The following ADSS2 variants were observed in gnomAD, a reference collection of about 807,000 sequenced individuals.
ADSS2 encodes the protein adenylosuccinate synthase 2.
Under a neutral mutation model 60.0 loss-of-function variants are expected in ADSS2, and 30 were observed. That is an observed-to-expected ratio of 0.50 (90% CI 0.37 to 0.68). The LOEUF is 0.68. Among genes scored for constraint, ADSS2 ranks in the 30% least tolerant of loss-of-function variants. The pLI, the probability that ADSS2 is intolerant of heterozygous loss-of-function variation, is 0.00. For synonymous variants in ADSS2, 187 were observed against 193.1 expected (o/e 0.97, Z 0.26); for missense variants, 373 against 554.8 (o/e 0.67, Z 3.29).
Position 244,432,607 on chromosome 1 carries a change from A to G in ADSS2, c.356-12T>C. On this transcript the variant is annotated splice_polypyrimidine_tract_variant and intron_variant, in intron 3 of 12. Coordinates refer to ENST00000366535, the MANE Select transcript of ADSS2 (RefSeq NM_001126.5). ...CCAGCCTTCTAGTCCTAGAAAGGGGAAAAAGATATATTTAATTGAATATTT... is the reference window on the plus strand; with the variant it reads ...CCAGCCTTCTAGTCCTAGAAAGGGGGAAAAGATATATTTAATTGAATATTT... The G allele has an allele frequency of 2.0e-6, 3 of 1,515,292 alleles. No homozygotes were observed. The highest frequency in any genetic ancestry group is 2.7e-6 in the Non-Finnish European group (3 of 1,109,874). 93.9% of individuals were successfully genotyped at this position (1,515,292 alleles called of 1,614,324 possible). A position where few individuals can be genotyped will look rare whatever the true frequency, so the allele number is the denominator to read the frequency against.
chr1:244,413,433 C>G (rs1664458426), intron 11 of ADSS2, among the ~76,000 whole-genome samples: 1 of 152,190 alleles, frequency 6.6e-6, no homozygotes, highest in South Asian at 2.1e-4. Flanking sequence ...AGGCACAAAG[C>G]CATGGCTCCT....
At chr1:244,415,943 C>G (rs1347798553) in intron 11 of ADSS2, 38 bp downstream of exon 11, 1 of 1,423,036 alleles carries the variant, frequency 7.0e-7, no homozygotes, top group South Asian at 1.2e-5. Flanking sequence ...ATACATTCAC[C>G]TTATAATATC....
intron 1 of ADSS2, among the ~76,000 whole-genome samples, chr1:244,446,919 A>T (rs1665406152): frequency 6.6e-6 from 1 of 152,220 alleles, no homozygotes; most frequent in Admixed American, 6.5e-5. Flanking sequence ...CTTCCTTTAA[A>T]AAAGATGTTA....
At chr1:244,422,619 T>A (rs1173459408) in intron 7 of ADSS2, among the ~76,000 whole-genome samples, 1 of 152,206 alleles carries the variant, frequency 6.6e-6, no homozygotes, top group Non-Finnish European at 1.5e-5. Context: ...AGACATATGA[T>A]CTGGACTCTG....
intron 2 of ADSS2, among the ~76,000 whole-genome samples, chr1:244,437,156 T>G (rs997856441): frequency 6.6e-6 from 1 of 152,166 alleles, no homozygotes; most frequent in African/African-American, 2.4e-5. Context: ...AAATGGAACA[T>G]GGTCACAGTA....
chr1:244,417,356 C>T (rs77712130), intron 10 of ADSS2, among the ~76,000 whole-genome samples: 5,784 of 152,186 alleles, frequency 0.038, 148 homozygotes, highest in Middle Eastern at 0.082. Context: ...TCTATCTGTC[C>T]ACCTATCTGC....
At chr1:244,450,920 G>T (rs936510892) in intron 1 of ADSS2, among the ~76,000 whole-genome samples, 2 of 152,136 alleles carry the variant, frequency 1.3e-5, no homozygotes, top group African/African-American at 4.8e-5. Context: ...TTTTTGAACA[G>T]AGAAGGGATT....
intron 4 of ADSS2, among the ~76,000 whole-genome samples, chr1:244,428,343 C>T (rs1664854332): frequency 6.6e-6 from 1 of 151,998 alleles, no homozygotes; most frequent in African/African-American, 2.4e-5. Context: ...GAACATCATA[C>T]TCAACTTATA....
chr1:244,410,203 C>G (rs1377567387), intron 12 of ADSS2, among the ~76,000 whole-genome samples: 1 of 152,112 alleles, frequency 6.6e-6, no homozygotes, highest in Middle Eastern at 3.2e-3. Context: ...GAGCAGTAAG[C>G]AAATATGCTT....
At chr1:244,433,990 G>T (rs1260114841) in intron 3 of ADSS2, among the ~76,000 whole-genome samples, 1 of 151,720 alleles carries the variant, frequency 6.6e-6, no homozygotes, top group Non-Finnish European at 1.5e-5. Flanking sequence ...TTTAACTGTG[G>T]AAGACCTAGA....
rs1664518484 is a variant in ADSS2 at position 244,415,938 on chromosome 1, T to G, written c.1168+43A>C. 3 of 1,402,828 alleles carry G rather than the reference T, an allele frequency of 2.1e-6. No homozygotes were observed. In the South Asian group the frequency reaches 3.6e-5, roughly 17 times the overall value. 86.9% of individuals were successfully genotyped at this position (1,402,828 alleles called of 1,614,324 possible). On this transcript the variant is annotated intron_variant, in intron 11 of 12. Transcript: ENST00000366535. ...AGCTTTATGAAACTGCTCTAATACATTCACCTTATAATATCCTTTAGATAT... is the reference window on the plus strand; with the variant it reads ...AGCTTTATGAAACTGCTCTAATACAGTCACCTTATAATATCCTTTAGATAT...
chr1:244,432,443 C>G (rs550232295), intron 4 of ADSS2, 102 bp downstream of exon 4: 11 of 851,408 alleles, frequency 1.3e-5, no homozygotes, highest in African/African-American at 1.3e-4. Flanking sequence ...ATCCTACTTA[C>G]GCTAAATAAA....
chr1:244,441,060 CTTTT>C (rs557199255), intron 1 of ADSS2, among the ~76,000 whole-genome samples: 4 of 137,972 alleles, frequency 2.9e-5, no homozygotes, highest in African/African-American at 1.1e-4. Flanking sequence ...TTAACTTAGT[CTTTT>C]TTTTTTTTTT....
intron 4 of ADSS2, 80 bp from the exon 5 acceptor site, chr1:244,424,467 G>T: frequency 8.7e-7 from 1 of 1,143,744 alleles, no homozygotes; most frequent in South Asian, 1.3e-5. Flanking sequence ...AATTACTGAA[G>T]TTATAAATCC....
intron 6 of ADSS2, 78 bp downstream of exon 6, chr1:244,423,875 T>C (rs1664731753): frequency 9.0e-7 from 1 of 1,117,310 alleles, no homozygotes; most frequent in Non-Finnish European, 1.3e-6. Flanking sequence ...ATACCGACTG[T>C]ATCATTTTGC....
chr1:244,450,865 T>C (rs1211418607), intron 1 of ADSS2, among the ~76,000 whole-genome samples: 4 of 152,242 alleles, frequency 2.6e-5, no homozygotes, highest in African/African-American at 9.6e-5. Context: ...AAATATTTAT[T>C]TCCAAATACT....
intron 12 of ADSS2, among the ~76,000 whole-genome samples, chr1:244,410,419 A>G (rs1664384499): frequency 6.6e-6 from 1 of 152,230 alleles, no homozygotes; most frequent in Non-Finnish European, 1.5e-5. Flanking sequence ...TCACATAACT[A>G]GATACAGCCA....
Position 244,436,905 on chromosome 1 carries a change from C to A in ADSS2, c.287-12G>T. ...TACCACACCATTTCCTAAAGGAAAA[C>A]CAACAAATCCCAACGGTAAACATCT... On this transcript the variant is annotated splice_polypyrimidine_tract_variant and intron_variant, in intron 2 of 12. Coordinates refer to ENST00000366535, the MANE Select transcript of ADSS2 (RefSeq NM_001126.5). The A allele has an allele frequency of 6.2e-7, 1 of 1,602,364 alleles. No individual in the cohort carries two copies. The highest frequency in any genetic ancestry group is 8.5e-7 in the Non-Finnish European group (1 of 1,171,286).
At chr1:244,450,769 T>G in intron 1 of ADSS2, among the ~76,000 whole-genome samples, 1 of 149,106 alleles carries the variant, frequency 6.7e-6, no homozygotes, top group South Asian at 2.1e-4. Flanking sequence ...GAAGAAAGGT[T>G]ACACTGAAAA....
Sources: gnomAD v4.1 joint callset for allele counts (sites outside exome capture counted in the v4.1 genomes callset) on GRCh38, gnomAD v4.1.1 for gene constraint, MANE v1.5 for transcripts, NCBI Gene and HGNC (gene_info 2026-07-23, HGNC 2026-07-21) for gene names.